The following MYH7B variants were observed in gnomAD, a reference collection of about 807,000 sequenced individuals.
The protein encoded by MYH7B is myosin-7B.
MYH7B carries 205 observed loss-of-function variants against 234.5 expected under a neutral mutation model. That is an observed-to-expected ratio of 0.87 (90% CI 0.78 to 0.98). The LOEUF (loss-of-function observed/expected upper bound fraction) is 0.98, where lower values mean the gene tolerates loss of function less well. Ranked by LOEUF, MYH7B falls within the 50% of genes least tolerant of loss-of-function variation. The pLI, the probability that MYH7B is intolerant of heterozygous loss-of-function variation, is 0.00. For synonymous variants in MYH7B, 1,193 were observed against 1,105.0 expected (o/e 1.08, Z -1.58); for missense variants, 2,652 against 2,633.4 (o/e 1.01, Z -0.15).
At chr20:34,990,203 C>T in intron 21 of MYH7B, 31 bp from the exon 22 acceptor site, 1 of 1,614,120 alleles carries the variant, frequency 6.2e-7, no homozygotes, top group Non-Finnish European at 8.5e-7. Flanking sequence ...GCGACATTCC[C>T]TGGAGTGACC....
In MYH7B at chr20:35,001,135, C is replaced by T; in HGVS notation, c.5452C>T (p.Gln1818Ter). 4 of 1,613,842 alleles carry T rather than the reference C, an allele frequency of 2.5e-6. No homozygotes were observed. The highest frequency in any genetic ancestry group is 3.4e-6 in the Non-Finnish European group (4 of 1,179,938). Residue 1818 changes from glutamine to a stop codon, truncating the protein, a stop_gained, in exon 41 of 45, where the codon CAG (glutamine) becomes TAG (stop). Coordinates refer to ENST00000262873, the Ensembl canonical transcript of MYH7B. LOFTEE classifies it high-confidence loss of function. ...GGCCGCCCTCCGTGGCGGGAAGAAGCAGGTGCAGAAGCTGGAGGCCAAGGT... is the reference window on the plus strand; with the variant it reads ...GGCCGCCCTCCGTGGCGGGAAGAAGTAGGTGCAGAAGCTGGAGGCCAAGGT...
rs747089411 is a variant in MYH7B at position 34,984,966 on chromosome 20, G to A, written c.741+20G>A. 6 of 1,611,204 alleles carry A rather than the reference G, an allele frequency of 3.7e-6. No individual in the cohort carries two copies. The South Asian group carries it at 6.6e-5, about 18-fold the overall frequency. The stretch of plus-strand genomic sequence containing the variant: ...CGCTTTGTGAGTGGCTGAGGTGGGA[G>A]GGGTGGCGGGGATGCCGTAGGCCAC... On this transcript the variant is annotated intron_variant, in intron 12 of 44. Transcript: ENST00000262873.
chr20:34,997,582 A>C, exon 32 of MYH7B: 1 of 1,613,434 alleles, frequency 6.2e-7, no homozygotes, highest in Non-Finnish European at 8.5e-7. Context: ...GAGAAGAGTG[A>C]GCTGCGCATG....
At chr20:34,990,392 C>T (rs758615155) in intron 22 of MYH7B, 82 bp downstream of exon 22, 4 of 1,479,300 alleles carry the variant, frequency 2.7e-6, no homozygotes, top group African/African-American at 1.4e-5. Flanking sequence ...TCCCCTGTGC[C>T]TTGGGCGGGC....
intron 2 of MYH7B, among the ~76,000 whole-genome samples, chr20:34,962,008 G>T (rs554745751): frequency 1.3e-5 from 2 of 152,272 alleles, no homozygotes; most frequent in African/African-American, 4.8e-5. Flanking sequence ...TGAGGTGGGA[G>T]GATCACTTGA....
intron 27 of MYH7B, 26 bp from the exon 28 acceptor site, chr20:34,995,310 C>G (rs749371389): frequency 6.2e-7 from 1 of 1,603,052 alleles, no homozygotes; most frequent in South Asian, 1.1e-5. Flanking sequence ...CTCCCCCAAC[C>G]TGGCCCCGTT....
chr20:34,996,866 G>GT, intron 30 of MYH7B, 108 bp downstream of exon 30: 1 of 1,466,608 alleles, frequency 6.8e-7, no homozygotes, highest in Non-Finnish European at 9.2e-7. Flanking sequence ...AAGGGTGGGG[G>GT]TTGACAGATG....
chr20:34,974,455 T>A (rs1327303352), intron 2 of MYH7B, among the ~76,000 whole-genome samples: 1 of 152,118 alleles, frequency 6.6e-6, no homozygotes, highest in Admixed American at 6.6e-5. Context: ...GTCATGTTTG[T>A]TTGTGAGCTT....
intron 1 of MYH7B, among the ~76,000 whole-genome samples, chr20:34,956,267 G>A (rs1342311693): frequency 6.6e-6 from 1 of 152,032 alleles, no homozygotes; most frequent in Non-Finnish European, 1.5e-5. Context: ...TTTTAACCTG[G>A]GATACCAGCA....
intron 10 of MYH7B, among the ~76,000 whole-genome samples, chr20:34,983,302 T>C (rs1298625129): frequency 1.0e-4 from 2 of 19,056 alleles, no homozygotes; most frequent in Non-Finnish European, 1.9e-4. Context: ...TCTTTTCTTT[T>C]TTTTTTTTTT....
At chr20:34,977,874 G>A (rs979711954) in intron 4 of MYH7B, 60 bp from the exon 5 acceptor site, 2 of 1,603,448 alleles carry the variant, frequency 1.2e-6, no homozygotes, top group Non-Finnish European at 1.7e-6. Context: ...CCTAGTATCT[G>A]GTCTTGTGGG....
intron 2 of MYH7B, among the ~76,000 whole-genome samples, chr20:34,961,095 C>T (rs2081693227): frequency 6.6e-6 from 1 of 152,144 alleles, no homozygotes; most frequent in Non-Finnish European, 1.5e-5. Flanking sequence ...CTAACAGGTT[C>T]CCAGTCCGGC....
rs760689683 is a variant in MYH7B at position 34,993,397 on chromosome 20, GT to G, written c.2372del (p.Val791GlyfsTer2). ...GCTCCGTGACCAGCGCCTGGCCAAG[GT>G]GCTGACGCTGCTGCAGGCGCGGAGC... On this transcript the variant is annotated frameshift_variant, in exon 26 of 45. Coordinates refer to ENST00000262873, the Ensembl canonical transcript of MYH7B. LOFTEE classifies it high-confidence loss of function. 2 of 1,613,354 alleles carry G rather than the reference GT, an allele frequency of 1.2e-6. No individual in the cohort carries two copies. Among genetic ancestry groups the G allele is most frequent in the African/African-American group, 2.7e-5 (2 of 74,922 alleles).
At position 34,997,548 on chromosome 20, in the gene MYH7B, C is replaced by T. The variant is rs550218922; in HGVS notation, c.3655C>T (p.Arg1219Trp). ...GGGGGAGCAGGTGGACAGCCTGCAGCGGGTGCGGCAGAAGCTGGAGAAGGA... is the reference window on the plus strand; with the variant it reads ...GGGGGAGCAGGTGGACAGCCTGCAGTGGGTGCGGCAGAAGCTGGAGAAGGA... Residue 1219 changes from arginine (R) to tryptophan (W), a missense_variant, in exon 32 of 45, where the codon CGG becomes TGG. Coordinates refer to ENST00000262873, the Ensembl canonical transcript of MYH7B. 44 of 1,611,478 alleles carry T rather than the reference C, an allele frequency of 2.7e-5. No individual in the cohort carries two copies. The Admixed American group carries it at 3.8e-4, about 14-fold the overall frequency.
At chr20:34,974,582 G>A (rs1325833229) in intron 2 of MYH7B, among the ~76,000 whole-genome samples, 2 of 152,122 alleles carry the variant, frequency 1.3e-5, no homozygotes, top group African/African-American at 4.8e-5. Flanking sequence ...GTAACTCTAG[G>A]ACTCAGACCC....
intron 2 of MYH7B, among the ~76,000 whole-genome samples, chr20:34,969,973 A>C (rs1281424763): frequency 6.6e-6 from 1 of 152,140 alleles, no homozygotes; most frequent in Non-Finnish European, 1.5e-5. Context: ...TGCTCATCAC[A>C]GCACTAGGAG....
chr20:34,979,880 G>T, intron 7 of MYH7B, 76 bp downstream of exon 7: 1 of 1,513,932 alleles, frequency 6.6e-7, no homozygotes, highest in Non-Finnish European at 8.9e-7. Context: ...TGCTGGGGGC[G>T]GGCCCATAGC....
intron 23 of MYH7B, 63 bp downstream of exon 23, chr20:34,990,888 G>A (rs1442523910): frequency 1.3e-6 from 2 of 1,594,258 alleles, no homozygotes; most frequent in African/African-American, 2.7e-5. Context: ...ACAGGGCAGA[G>A]GCCGGGAGGC....
At chr20:34,980,515 G>A in intron 7 of MYH7B, 63 bp from the exon 8 acceptor site, 2 of 1,431,628 alleles carry the variant, frequency 1.4e-6, no homozygotes, top group Non-Finnish European at 2.0e-6. Flanking sequence ...TCCAGCCTGG[G>A]AGACAGAGCA....
Sources: gnomAD v4.1 joint callset for allele counts (sites outside exome capture counted in the v4.1 genomes callset) on GRCh38, gnomAD v4.1.1 for gene constraint, MANE v1.5 for transcripts, NCBI Gene and HGNC (gene_info 2026-07-23, HGNC 2026-07-21) for gene names.